The following MMP16 variants were observed in gnomAD, a reference collection of about 807,000 sequenced individuals.
The protein encoded by MMP16 is matrix metalloproteinase-16.
In MMP16, 12 loss-of-function variants were observed where a neutral mutation model predicts 67.8. That is an observed-to-expected ratio of 0.18 (90% CI 0.11 to 0.29). The LOEUF (loss-of-function observed/expected upper bound fraction) is 0.29. Among genes scored for constraint, MMP16 ranks in the 10% least tolerant of loss-of-function variants. MMP16 has a pLI of 1.00. For missense variants in MMP16, 475 were observed against 765.7 expected, an observed-to-expected ratio of 0.62 and a Z score of 4.48; for synonymous variants, 249 against 255.9, an observed-to-expected ratio of 0.97 and a Z score of 0.26.
In MMP16 at chr8:88,297,470, G is replaced by A. The variant is rs75996722; in HGVS notation, c.132+29605C>T. 4.4e-3 allele frequency among the ~76,000 whole-genome samples: 669 copies of A among 152,242 alleles called. 12 individuals carry two copies. The highest frequency in any genetic ancestry group is 0.015 in the African/African-American group (639 of 41,518). On this transcript the variant is annotated intron_variant, in intron 1 of 9. Coordinates refer to ENST00000286614, the MANE Select transcript of MMP16 (RefSeq NM_005941.5). ...CCATAGAGATGGCCTCTCTGCGTATGGCCCGCTCCAAAAATAATAATGAGT... is the reference window on the plus strand; with the variant it reads ...CCATAGAGATGGCCTCTCTGCGTATAGCCCGCTCCAAAAATAATAATGAGT...
chr8:88,098,965 T>C (rs1809083406), intron 6 of MMP16, among the ~76,000 whole-genome samples: 1 of 151,838 alleles, frequency 6.6e-6, no homozygotes, highest in Non-Finnish European at 1.5e-5. Flanking sequence ...TAAACTGCCA[T>C]AATTATAGCA....
chr8:88,046,270 A>G (rs1808197936), intron 9 of MMP16, among the ~76,000 whole-genome samples: 1 of 152,208 alleles, frequency 6.6e-6, no homozygotes, highest in African/African-American at 2.4e-5. Context: ...ATACAAAATT[A>G]TAATTCTCAA....
Position 88,180,790 on chromosome 8 carries a change from A to G in MMP16, c.404+5686T>C, listed in dbSNP as rs184271903. 4.6e-3 allele frequency among the ~76,000 whole-genome samples: 697 copies of G among 152,282 alleles called. 7 individuals are homozygous for G. The highest frequency in any genetic ancestry group is 0.014 in the African/African-American group (590 of 41,580). ...CATGAACACAGATGTAAAAATCCTC[A>G]AAAAAGTCAGCAAATCAAATAGAAT... On this transcript the variant is annotated intron_variant, in intron 3 of 9. Transcript: ENST00000286614.
At chr8:88,082,098 AC>A (rs1172385940) in intron 6 of MMP16, among the ~76,000 whole-genome samples, 2 of 151,980 alleles carry the variant, frequency 1.3e-5, no homozygotes, top group Non-Finnish European at 2.9e-5. Context: ...AAGGAAACAA[AC>A]CCCCAAACCT....
intron 4 of MMP16, among the ~76,000 whole-genome samples, chr8:88,136,431 T>A (rs2118489933): frequency 6.6e-6 from 1 of 151,910 alleles, no homozygotes; most frequent in Admixed American, 6.6e-5. Flanking sequence ...ATCTTAAGTG[T>A]ACAGGTCAGT....
intron 9 of MMP16, among the ~76,000 whole-genome samples, chr8:88,045,846 G>C (rs561194345): frequency 4.6e-5 from 7 of 152,144 alleles, no homozygotes; most frequent in African/African-American, 1.7e-4. Flanking sequence ...TCATGTTATT[G>C]AGGACTACAT....
intron 8 of MMP16, among the ~76,000 whole-genome samples, chr8:88,051,736 T>TAA: frequency 6.6e-6 from 1 of 152,222 alleles, no homozygotes; most frequent in Non-Finnish European, 1.5e-5. Context: ...AAAGTAGGTC[T>TAA]ACATTTTGTT....
chr8:88,306,832 G>A (rs1811218321), intron 1 of MMP16, among the ~76,000 whole-genome samples: 1 of 152,170 alleles, frequency 6.6e-6, no homozygotes, highest in South Asian at 2.1e-4. Context: ...CATACTAAAT[G>A]GGCAAGAGCT....
intron 1 of MMP16, among the ~76,000 whole-genome samples, chr8:88,247,925 T>C (rs191742975): frequency 1.3e-5 from 2 of 152,200 alleles, no homozygotes; most frequent in Non-Finnish European, 2.9e-5. Flanking sequence ...TTGTTGCACA[T>C]TGACGTCATC....
chr8:88,048,198 G>C (rs1350880499), intron 8 of MMP16, among the ~76,000 whole-genome samples: 1 of 152,132 alleles, frequency 6.6e-6, no homozygotes, highest in Non-Finnish European at 1.5e-5. Context: ...GGGAATGTGA[G>C]TATAGACATT....
At chr8:88,166,955 G>T (rs1808724615) in intron 4 of MMP16, among the ~76,000 whole-genome samples, 1 of 151,840 alleles carries the variant, frequency 6.6e-6, no homozygotes, top group Non-Finnish European at 1.5e-5. Flanking sequence ...CCAGCACTTT[G>T]TGACTCCAAG....
At chr8:88,192,850 T>C (rs1809191597) in intron 2 of MMP16, among the ~76,000 whole-genome samples, 1 of 152,104 alleles carries the variant, frequency 6.6e-6, no homozygotes, top group Non-Finnish European at 1.5e-5. Context: ...TTCTGTACAA[T>C]GAGATATCAT....
At chr8:88,138,873 C>T (rs778374434) in intron 4 of MMP16, among the ~76,000 whole-genome samples, 9 of 152,108 alleles carry the variant, frequency 5.9e-5, no homozygotes, top group Non-Finnish European at 1.2e-4. Flanking sequence ...TTCTTGATCT[C>T]AATGGGAATG....
intron 1 of MMP16, among the ~76,000 whole-genome samples, chr8:88,200,685 T>A (rs1809330048): frequency 6.6e-6 from 1 of 151,920 alleles, no homozygotes; most frequent in African/African-American, 2.4e-5. Flanking sequence ...AAACAAAATT[T>A]CAGCAAAATT....
chr8:88,093,445 G>A (rs992223384), intron 6 of MMP16, among the ~76,000 whole-genome samples: 31 of 151,614 alleles, frequency 2.0e-4, no homozygotes, highest in Non-Finnish European at 1.3e-4. Flanking sequence ...TTTTAAGCGC[G>A]AATCACTGAG....
At chr8:88,103,394 G>T (rs1433031319) in intron 6 of MMP16, among the ~76,000 whole-genome samples, 1 of 151,766 alleles carries the variant, frequency 6.6e-6, no homozygotes, top group African/African-American at 2.4e-5. Context: ...CTACTACTTG[G>T]TAGCTGGATA....
chr8:88,203,428 C>T (rs1008175582), intron 1 of MMP16, among the ~76,000 whole-genome samples: 1 of 152,154 alleles, frequency 6.6e-6, no homozygotes, highest in African/African-American at 2.4e-5. Flanking sequence ...ATAAAATGTG[C>T]ACATCCACAC....
intron 1 of MMP16, among the ~76,000 whole-genome samples, chr8:88,273,469 T>C (rs982666921): frequency 6.6e-6 from 1 of 152,116 alleles, no homozygotes; most frequent in Non-Finnish European, 1.5e-5. Flanking sequence ...TTCACTCTGG[T>C]TAATCTTGCA....
chr8:88,079,056 C>G (rs1166928479), intron 6 of MMP16, among the ~76,000 whole-genome samples: 1 of 152,182 alleles, frequency 6.6e-6, no homozygotes, highest in Non-Finnish European at 1.5e-5. Context: ...AAACTCAAAC[C>G]TGGACTCCTG....
Sources: allele counts gnomAD v4.1 joint callset (sites outside exome capture counted in the v4.1 genomes callset), GRCh38; gene constraint gnomAD v4.1.1; transcripts MANE v1.5; gene names NCBI Gene and HGNC (gene_info 2026-07-23, HGNC 2026-07-21).